The following RAB10 variants were observed in gnomAD, a reference collection of about 807,000 sequenced individuals.
RAB10 encodes the protein RAB10, member RAS oncogene family, also known as ras-related protein Rab-10.
Under a neutral mutation model 25.7 loss-of-function variants are expected in RAB10, and 5 were observed. The observed-to-expected ratio is 0.19, with a 90% CI of 0.10 to 0.41. The LOEUF is 0.41. Ranked by LOEUF, RAB10 falls within the 10% of genes least tolerant of loss-of-function variation. RAB10 has a pLI of 1.00. For synonymous variants in RAB10, 89 were observed against 86.4 expected (o/e 1.03, Z -0.16); for missense variants, 103 against 245.8 (o/e 0.42, Z 3.89).
At chr2:26,046,861 C>T (rs1389009359) in intron 1 of RAB10, among the ~76,000 whole-genome samples, 3 of 152,242 alleles carry the variant, frequency 2.0e-5, no homozygotes, top group Admixed American at 6.5e-5. Context: ...TTGTTTCTTT[C>T]GTATAATTAG....
At chr2:26,106,728 A>G (rs945870442) in intron 2 of RAB10, among the ~76,000 whole-genome samples, 7 of 151,394 alleles carry the variant, frequency 4.6e-5, no homozygotes, top group Non-Finnish European at 1.0e-4. Flanking sequence ...TCTACTAGAA[A>G]TACAAAAATT....
At chr2:26,104,096 A>G (rs538290182) in intron 2 of RAB10, among the ~76,000 whole-genome samples, 22 of 152,158 alleles carry the variant, frequency 1.4e-4, no homozygotes, top group Non-Finnish European at 2.9e-4. Flanking sequence ...TCTTTTGGTT[A>G]TATGCCTAGA....
chr2:26,084,252 A>T (rs1666931669), intron 1 of RAB10, among the ~76,000 whole-genome samples: 1 of 152,198 alleles, frequency 6.6e-6, no homozygotes. Flanking sequence ...TCTTGTTCAT[A>T]GGATTTATTA....
chr2:26,111,014 C>CTT (rs1667557861), intron 3 of RAB10, among the ~76,000 whole-genome samples: 1 of 152,130 alleles, frequency 6.6e-6, no homozygotes, highest in Admixed American at 6.6e-5. Flanking sequence ...CCTGATGTTA[C>CTT]TTTTTATAAG....
At chr2:26,069,117 G>A (rs145283656) in intron 1 of RAB10, among the ~76,000 whole-genome samples, 107 of 152,242 alleles carry the variant, frequency 7.0e-4, no homozygotes, top group African/African-American at 2.4e-3. Flanking sequence ...GCATTGAGAT[G>A]CTTTGAAATT....
At chr2:26,126,146 T>G (rs571442365) in intron 3 of RAB10, among the ~76,000 whole-genome samples, 1 of 152,350 alleles carries the variant, frequency 6.6e-6, no homozygotes, top group East Asian at 1.9e-4. Flanking sequence ...TTGGCATCCT[T>G]GTCGAGGGTC....
In RAB10 at chr2:26,136,138, C is replaced by T. The variant is rs920614567; in HGVS notation, c.*1117C>T. On this transcript the variant is annotated 3_prime_UTR_variant, in exon 6 of 6. Transcript: ENST00000264710. ...GTGTTTGGAGGGTGTTGTGGTTTGT[C>T]TTTCTAATTAGGTGTATAGCCTATT... The T allele has an allele frequency of 6.6e-6, 1 of 152,552 alleles. No homozygotes were observed. The highest frequency in any genetic ancestry group is 1.5e-5 in the Non-Finnish European group (1 of 68,028). The allele number at this position is 152,552 out of a possible 1,614,324, so 9.4% of individuals were successfully genotyped here.
chr2:26,065,633 A>G (rs1224089007), intron 1 of RAB10, among the ~76,000 whole-genome samples: 1 of 152,244 alleles, frequency 6.6e-6, no homozygotes, highest in Non-Finnish European at 1.5e-5. Context: ...ATACCATTGT[A>G]GGACACTTAA....
chr2:26,106,513 G>C (rs1667465221), intron 2 of RAB10, among the ~76,000 whole-genome samples: 1 of 152,168 alleles, frequency 6.6e-6, no homozygotes, highest in Non-Finnish European at 1.5e-5. Flanking sequence ...GACATTTCAA[G>C]CAAATGGTGC....
chr2:26,110,338 CAAAA>C (rs11403502), intron 3 of RAB10, among the ~76,000 whole-genome samples: 3 of 123,704 alleles, frequency 2.4e-5, no homozygotes, highest in Non-Finnish European at 3.3e-5. Context: ...ACTCCGTCTC[CAAAA>C]AAAAAAAAAA....
intron 1 of RAB10, among the ~76,000 whole-genome samples, chr2:26,047,042 A>G (rs2149262824): frequency 6.6e-6 from 1 of 152,298 alleles, no homozygotes; most frequent in South Asian, 2.1e-4. Flanking sequence ...GAATATTGAC[A>G]TCTGGTGTAG....
chr2:26,128,712 G>A (rs373004641), intron 5 of RAB10, among the ~76,000 whole-genome samples: 16 of 152,210 alleles, frequency 1.1e-4, no homozygotes, highest in South Asian at 6.2e-4. Flanking sequence ...TATTCTGTAC[G>A]TACTGAATAA....
At chr2:26,088,182 A>C (rs886515182) in intron 1 of RAB10, among the ~76,000 whole-genome samples, 28 of 152,298 alleles carry the variant, frequency 1.8e-4, no homozygotes, top group Admixed American at 7.2e-4. Context: ...TGTATTGATA[A>C]GTCATCAGAA....
At chr2:26,062,548 C>T in intron 1 of RAB10, among the ~76,000 whole-genome samples, 1 of 152,002 alleles carries the variant, frequency 6.6e-6, no homozygotes, top group Non-Finnish European at 1.5e-5. Flanking sequence ...CCTGGTGGCG[C>T]ATACCTGTAA....
At chr2:26,050,701 G>T (rs1208732805) in intron 1 of RAB10, among the ~76,000 whole-genome samples, 1 of 151,988 alleles carries the variant, frequency 6.6e-6, no homozygotes, top group African/African-American at 2.4e-5. Context: ...CAGCCTTACT[G>T]CAGCCTCAAC....
chr2:26,093,546 T>G (rs2149278373), intron 1 of RAB10, among the ~76,000 whole-genome samples: 1 of 152,344 alleles, frequency 6.6e-6, no homozygotes, highest in South Asian at 2.1e-4. Flanking sequence ...ATGTTCACTA[T>G]CAGTTGAGGC....
chr2:26,094,969 T>A (rs1303156442), intron 1 of RAB10, among the ~76,000 whole-genome samples: 1 of 152,272 alleles, frequency 6.6e-6, no homozygotes, highest in African/African-American at 2.4e-5. Context: ...GCGTTTAATG[T>A]TTCTTAATTT....
chr2:26,063,118 A>AG (rs986294502), intron 1 of RAB10, among the ~76,000 whole-genome samples: 2 of 151,216 alleles, frequency 1.3e-5, no homozygotes, highest in African/African-American at 2.4e-5. Context: ...TCCATCTCAA[A>AG]AAAAAAAAAA....
intron 1 of RAB10, among the ~76,000 whole-genome samples, chr2:26,095,961 C>G (rs923325346): frequency 6.6e-6 from 1 of 152,164 alleles, no homozygotes; most frequent in Non-Finnish European, 1.5e-5. Context: ...TTCTCACAGC[C>G]CTGCCACTGC....
Sources: allele counts gnomAD v4.1 joint callset (sites outside exome capture counted in the v4.1 genomes callset), GRCh38; gene constraint gnomAD v4.1.1; transcripts MANE v1.5; gene names NCBI Gene and HGNC (gene_info 2026-07-23, HGNC 2026-07-21).